The following RALGAPB variants were observed in gnomAD, a reference collection of about 807,000 sequenced individuals.
The protein encoded by RALGAPB is Ral GTPase activating protein non-catalytic subunit beta, also known as ral GTPase-activating protein subunit beta.
Under a neutral mutation model 161.1 loss-of-function variants are expected in RALGAPB, and 25 were observed. The observed-to-expected ratio is 0.16, with a 90% CI of 0.11 to 0.22. The LOEUF (loss-of-function observed/expected upper bound fraction) is 0.22, where lower values mean the gene tolerates loss of function less well. Ranked by LOEUF, RALGAPB falls within the 10% of genes least tolerant of loss-of-function variation. The pLI is 1.00. For synonymous variants in RALGAPB, 629 were observed against 626.1 expected (o/e 1.00, Z -0.07); for missense variants, 1,391 against 1,815.2 (o/e 0.77, Z 4.25).
intron 9 of RALGAPB, among the ~76,000 whole-genome samples, chr20:38,520,745 A>G (rs901615536): frequency 7.9e-5 from 12 of 152,150 alleles, no homozygotes; most frequent in Non-Finnish European, 1.6e-4. Context: ...ATGTAGAGTA[A>G]TAAAAGATTT....
intron 20 of RALGAPB, 98 bp from the exon 21 acceptor site, chr20:38,550,973 T>C: frequency 7.2e-7 from 1 of 1,385,544 alleles, no homozygotes; most frequent in Non-Finnish European, 9.9e-7. Context: ...CATGTAATCC[T>C]AGGGAAACAC....
At chr20:38,563,559 C>CTT (rs2087868213) in intron 24 of RALGAPB, among the ~76,000 whole-genome samples, 4 of 152,280 alleles carry the variant, frequency 2.6e-5, no homozygotes, top group Admixed American at 2.0e-4. Context: ...AGACCTTTGC[C>CTT]CCACCTGGCT....
intron 1 of RALGAPB, among the ~76,000 whole-genome samples, chr20:38,480,258 A>G (rs1428789938): frequency 6.6e-6 from 1 of 151,588 alleles, no homozygotes; most frequent in Non-Finnish European, 1.5e-5. Context: ...CTTACCTTTG[A>G]AACCTTACCA....
rs142426230 is a variant in RALGAPB, at chr20:38,574,154, A to G, written c.4147A>G (p.Thr1383Ala). 5.7e-5 allele frequency: 91 copies of G among 1,606,702 alleles called. 1 individual carries two copies. The highest frequency in any genetic ancestry group is 5.6e-4 in the South Asian group (50 of 89,422). Residue 1383 changes from threonine (T) to alanine (A), a missense_variant, in exon 29 of 30, where the codon ACA (threonine) becomes GCA (alanine). By Grantham distance (58) the Thr-to-Ala change is moderately conservative. Coordinates refer to ENST00000262879, the MANE Select transcript of RALGAPB (RefSeq NM_020336.4). ...TAACAATTTTCTTTTCTTAAGATCT[A>G]CAACTCTTGAAAAAGAAGTTCCTGT... The part of the protein sequence containing the change: ...TANSSTSLRS[T>A]TLEKEVPVIF...
chr20:38,518,007 A>G lies in RALGAPB; in HGVS notation c.1417+7A>G, dbSNP rs757198591. 6.3e-7 allele frequency: 1 copy of G among 1,587,656 alleles called. No homozygotes were observed. The highest frequency in any genetic ancestry group is 8.7e-7 in the Non-Finnish European group (1 of 1,155,982). Reference sequence around the variant, plus strand: ...AGAGACAGCAGCATGACTGGTAAATATTACTCAAGAAATATGTTATCATTA... The same window carrying G: ...AGAGACAGCAGCATGACTGGTAAATGTTACTCAAGAAATATGTTATCATTA... On this transcript the variant is annotated splice_region_variant and intron_variant, in intron 9 of 29. Transcript: ENST00000262879.
chr20:38,494,648 C>CA (rs374807922), intron 3 of RALGAPB, among the ~76,000 whole-genome samples: 71 of 151,684 alleles, frequency 4.7e-4, no homozygotes, highest in African/African-American at 6.5e-4. Flanking sequence ...CAAAACAAAA[C>CA]AAAAAAAACA....
intron 22 of RALGAPB, among the ~76,000 whole-genome samples, chr20:38,556,562 C>A (rs1969730148): frequency 1.3e-5 from 2 of 151,922 alleles, no homozygotes; most frequent in Admixed American, 1.3e-4. Flanking sequence ...AAATACAATG[C>A]AAAAATGCCC....
chr20:38,567,858 GAA>G (rs2088066709), intron 26 of RALGAPB, among the ~76,000 whole-genome samples: 1 of 152,200 alleles, frequency 6.6e-6, no homozygotes, highest in Admixed American at 6.5e-5. Flanking sequence ...CTTCCACAGT[GAA>G]AGTTATTTTT....
At position 38,570,824 on chromosome 20, in the gene RALGAPB, T is replaced by C. The variant is rs1258929718; in HGVS notation, c.4119T>C (p.Thr1373=). The C allele has an allele frequency of 1.2e-6, 2 of 1,608,526 alleles. No homozygotes were observed. Among genetic ancestry groups the C allele is most frequent in the Admixed American group, 3.3e-5 (2 of 59,740 alleles). ...MTEISTGVET[T]ANSSTSLRST... ...AGATCAGTACTGGTGTGGAAACTAC[T>C]GCAAATAGTAGCACTTCACTGAGGT... Residue 1373 remains threonine, a synonymous_variant, in exon 28 of 30, where the codon ACT becomes ACC. Transcript: ENST00000262879.
At chr20:38,473,661 A>G (rs922129257) in intron 1 of RALGAPB, among the ~76,000 whole-genome samples, 12 of 152,212 alleles carry the variant, frequency 7.9e-5, no homozygotes, top group Admixed American at 1.3e-4. Context: ...CCAAGGTCAC[A>G]TAGCTAGTAA....
At chr20:38,511,088 G>A (rs1403333723) in intron 6 of RALGAPB, among the ~76,000 whole-genome samples, 2 of 152,064 alleles carry the variant, frequency 1.3e-5, no homozygotes, top group Admixed American at 1.3e-4. Context: ...GGAACAGAGA[G>A]CAAGGAAAAT....
rs183659221 is a variant in RALGAPB, at chr20:38,553,212, G to A, written c.3163-655G>A. ...GATGGCCAAAATTGTGAAGGTTGAG[G>A]AGCTTGTAGAATTCTGAGCCAGGTT... On this transcript the variant is annotated intron_variant, in intron 21 of 29. Coordinates refer to ENST00000262879, the MANE Select transcript of RALGAPB (RefSeq NM_020336.4). Among the ~76,000 whole-genome samples the A allele has an allele frequency of 1.8e-3, 269 of 152,256 alleles. 2 individuals carry two copies. The highest frequency in any genetic ancestry group is 6.2e-3 in the African/African-American group (259 of 41,542).
At chr20:38,552,738 G>A (rs1380285321) in intron 21 of RALGAPB, among the ~76,000 whole-genome samples, 1 of 152,184 alleles carries the variant, frequency 6.6e-6, no homozygotes, top group African/African-American at 2.4e-5. Flanking sequence ...TGTAATAGGG[G>A]ATCCCAGACA....
In RALGAPB at chr20:38,558,506, G is replaced by T. The variant is rs542583655; in HGVS notation, c.3531+53G>T. ...GTATGTTTTTGTGCTATAAATACACGTCTAAAGAAAAAAATTGAGGCAAAA... is the reference window on the plus strand; with the variant it reads ...GTATGTTTTTGTGCTATAAATACACTTCTAAAGAAAAAAATTGAGGCAAAA... On this transcript the variant is annotated intron_variant, in intron 23 of 29. Transcript: ENST00000262879. 5.1e-6 allele frequency: 7 copies of T among 1,370,390 alleles called. No homozygotes were observed. In the East Asian group the frequency reaches 1.5e-4, roughly 30 times the overall value. The allele number at this position is 1,370,390 out of a possible 1,614,324, so 84.9% of individuals were successfully genotyped here.
chr20:38,511,316 C>T (rs2085941870), intron 6 of RALGAPB, among the ~76,000 whole-genome samples: 1 of 150,784 alleles, frequency 6.6e-6, no homozygotes, highest in African/African-American at 2.4e-5. Context: ...ATTGAGTCTG[C>T]CTTTCTTTTT....
rs551084061 is a variant in RALGAPB at position 38,517,623 on chromosome 20, C to T, written c.1169C>T (p.Thr390Ile). The stretch of plus-strand genomic sequence containing the variant: ...CATAACCGGAGGCACCGGGCTGTTA[C>T]TGTGAATAAGGCCACCATGAAGACA... ...PPHNRRHRAV[T>I]VNKATMKTST... The change falls in exon 8 of 30, where the codon ACT (threonine) becomes ATT (isoleucine). Residue 390 changes from threonine to isoleucine, a missense_variant. Around this residue, in one of 3 missense-constraint regions of RALGAPB, gnomAD observed 946 missense variants for 1,257.2 expected, o/e 0.75. Transcript: ENST00000262879. The T allele has an allele frequency of 1.2e-6, 2 of 1,613,986 alleles. No homozygotes were observed. The highest frequency in any genetic ancestry group is 1.7e-6 in the Non-Finnish European group (2 of 1,179,992).
intron 20 of RALGAPB, among the ~76,000 whole-genome samples, chr20:38,550,104 T>A (rs1185884941): frequency 1.3e-5 from 2 of 152,078 alleles, no homozygotes; most frequent in Non-Finnish European, 2.9e-5. Context: ...TGGGAACACA[T>A]GGACACAGGA....
chr20:38,505,082 A>T (rs2085719653), intron 5 of RALGAPB, among the ~76,000 whole-genome samples: 1 of 152,208 alleles, frequency 6.6e-6, no homozygotes, highest in Admixed American at 6.5e-5. Flanking sequence ...TGCTGGGTAT[A>T]TATCCAAAAG....
intron 6 of RALGAPB, among the ~76,000 whole-genome samples, 197 bp downstream of exon 6, chr20:38,509,405 A>C (rs912318890): frequency 6.6e-6 from 1 of 152,194 alleles, no homozygotes; most frequent in Admixed American, 6.5e-5. Flanking sequence ...GGCTGTCCTC[A>C]GCCGCTCTTG....
Sources: allele counts gnomAD v4.1 joint callset (sites outside exome capture counted in the v4.1 genomes callset), GRCh38; gene constraint gnomAD v4.1.1; regional missense constraint gnomAD v4.1.1; transcripts MANE v1.5; gene names NCBI Gene and HGNC (gene_info 2026-07-23, HGNC 2026-07-21).